AFDN: variants seen among roughly 807,000 people sequenced by gnomAD.
AFDN encodes the protein afadin, adherens junction formation factor, also known as afadin.
Under a neutral mutation model 216.6 loss-of-function variants are expected in AFDN, and 68 were observed. That is an observed-to-expected ratio of 0.31 (90% CI 0.26 to 0.38). The LOEUF (loss-of-function observed/expected upper bound fraction) is 0.38, where lower values mean the gene tolerates loss of function less well. AFDN is among the 10% of genes least tolerant of loss of function. The pLI is 1.00. For missense variants in AFDN, 2,136 were observed against 2,342.0 expected, an observed-to-expected ratio of 0.91 and a Z score of 1.82; for synonymous variants, 868 against 853.7, an observed-to-expected ratio of 1.02 and a Z score of -0.29.
intron 1 of AFDN, among the ~76,000 whole-genome samples, chr6:167,856,149 C>T (rs530005861): frequency 2.9e-4 from 44 of 152,266 alleles, no homozygotes; most frequent in Admixed American, 1.0e-3. Flanking sequence ...GACTGCTGCG[C>T]TGCCACAGAA....
rs1467401072 is a variant in AFDN at position 167,962,395 on chromosome 6, G to A, written c.4834-38G>A. 1 of 1,611,642 alleles carries A rather than the reference G, an allele frequency of 6.2e-7. No homozygotes were observed. The highest frequency in any genetic ancestry group is 1.7e-5 in the Admixed American group (1 of 59,980). ...GTGCATTTTATGTCTTGTGCTGGTGGAGTTTGTGGAGGGAGATTAATGTCA... is the reference window on the plus strand; with the variant it reads ...GTGCATTTTATGTCTTGTGCTGGTGAAGTTTGTGGAGGGAGATTAATGTCA... On this transcript the variant is annotated intron_variant, in intron 30 of 33. Coordinates refer to ENST00000683244, the MANE Select transcript of AFDN (RefSeq NM_001386888.1). The surrounding 1 kb of genome is among the most constrained non-coding windows in gnomAD (Gnocchi z 5.2).
chr6:167,842,408 A>T (rs1781172062), intron 1 of AFDN, among the ~76,000 whole-genome samples: 1 of 152,160 alleles, frequency 6.6e-6, no homozygotes, highest in African/African-American at 2.4e-5. Context: ...AAAATGCCCC[A>T]TAATTAACTA....
chr6:167,880,878 A>C (rs770988786), intron 6 of AFDN, among the ~76,000 whole-genome samples: 1 of 152,196 alleles, frequency 6.6e-6, no homozygotes, highest in Non-Finnish European at 1.5e-5. Context: ...TAGATTTATA[A>C]GTCTAAAATT....
intron 4 of AFDN, among the ~76,000 whole-genome samples, chr6:167,874,361 A>G (rs1231292327): frequency 6.6e-6 from 1 of 152,190 alleles, no homozygotes; most frequent in African/African-American, 2.4e-5. Flanking sequence ...ACTATTTTTA[A>G]TTAAATTATT....
intron 30 of AFDN, chr6:167,952,418 A>G: frequency 1.0e-6 from 1 of 985,436 alleles, no homozygotes; most frequent in Middle Eastern, 5.2e-4. Flanking sequence ...TACAATTCAA[A>G]TGGAACTTGA....
At chr6:167,896,563 A>T (rs528012538) in intron 9 of AFDN, among the ~76,000 whole-genome samples, 1 of 152,338 alleles carries the variant, frequency 6.6e-6, no homozygotes, top group African/African-American at 2.4e-5. Context: ...TTGCTACTAC[A>T]GTTGCTCCTC....
In AFDN at chr6:167,871,643, TAAG is replaced by T. The variant is rs1163106424; in HGVS notation, c.415-564_415-562del. Among the ~76,000 whole-genome samples, 7 of 152,314 alleles carry T rather than the reference TAAG, an allele frequency of 4.6e-5. No individual in the cohort carries two copies. In the East Asian group the frequency reaches 1.3e-3, roughly 29 times the overall value. ...CATTGTTCGAGGTTAAAATACAAATTAAGAAGAAGCAAGCAAATAAATCAGATC... is the reference window on the plus strand; with the variant it reads ...CATTGTTCGAGGTTAAAATACAAATTAAGAAGCAAGCAAATAAATCAGATC... On this transcript the variant is annotated intron_variant, in intron 3 of 33. Coordinates refer to ENST00000683244, the MANE Select transcript of AFDN (RefSeq NM_001386888.1).
Position 167,896,886 on chromosome 6 carries a change from G to T in AFDN, c.1231G>T (p.Asp411Tyr). Residue 411 changes from aspartate to tyrosine, a missense_variant, in exon 10 of 34, where the codon GAC (aspartate) becomes TAC (tyrosine). By Grantham distance (160) the Asp-to-Tyr change is radical (BLOSUM62 -3). Transcript: ENST00000683244. ...TCCTTCTCTTCTCACAGATGGTTCTGACTCTAGAGATAAGCCAAAGCTTTA... is the reference window on the plus strand; with the variant it reads ...TCCTTCTCTTCTCACAGATGGTTCTTACTCTAGAGATAAGCCAAAGCTTTA... Reference protein sequence around the residue: ...YNYHTYEDGSDSRDKPKLYRL... With the variant: ...YNYHTYEDGSYSRDKPKLYRL... The T allele has an allele frequency of 6.2e-7, 1 of 1,610,514 alleles. No individual in the cohort carries two copies. Among genetic ancestry groups the T allele is most frequent in the South Asian group, 1.1e-5 (1 of 90,894 alleles).
chr6:167,949,429 T>C (rs1196028777), intron 29 of AFDN, among the ~76,000 whole-genome samples: 5 of 152,138 alleles, frequency 3.3e-5, no homozygotes, highest in Admixed American at 2.6e-4. Context: ...GTGATACAGA[T>C]GAGGAGGAGC....
At chr6:167,836,516 A>T (rs1780453394) in intron 1 of AFDN, among the ~76,000 whole-genome samples, 1 of 152,214 alleles carries the variant, frequency 6.6e-6, no homozygotes, top group Non-Finnish European at 1.5e-5. Context: ...AATACTTCAA[A>T]ATAATATGTG....
intron 5 of AFDN, 139 bp downstream of exon 5, chr6:167,875,634 G>A: frequency 1.1e-6 from 1 of 884,540 alleles, no homozygotes; most frequent in Non-Finnish European, 1.7e-6. Context: ...ATATACTTCT[G>A]GTACAAAATC....
At chr6:167,937,238 C>G (rs2300797) in intron 23 of AFDN, among the ~76,000 whole-genome samples, 4 of 152,008 alleles carry the variant, frequency 2.6e-5, no homozygotes, top group Non-Finnish European at 2.9e-5. Flanking sequence ...TATCTAGATC[C>G]GTATTCTTTA....
At chr6:167,952,282 A>G (rs780634196) in intron 30 of AFDN, 95 bp downstream of exon 30, 1 of 1,587,098 alleles carries the variant, frequency 6.3e-7, no homozygotes, top group South Asian at 1.2e-5. Context: ...TGATCGTGAT[A>G]AGGATTAAAA....
chr6:167,948,526 C>T, intron 29 of AFDN, 48 bp downstream of exon 29: 1 of 1,534,836 alleles, frequency 6.5e-7, no homozygotes, highest in South Asian at 1.2e-5. Flanking sequence ...TCAAGGAGGA[C>T]ACACTGAGTT....
chr6:167,857,924 G>A (rs757570420), intron 1 of AFDN, among the ~76,000 whole-genome samples: 2 of 152,094 alleles, frequency 1.3e-5, no homozygotes, highest in Non-Finnish European at 2.9e-5. Context: ...ACATGTGTAC[G>A]AATATAGTAT....
At chr6:167,895,067 T>C (rs1788067128) in intron 9 of AFDN, among the ~76,000 whole-genome samples, 1 of 152,210 alleles carries the variant, frequency 6.6e-6, no homozygotes, top group Non-Finnish European at 1.5e-5. Flanking sequence ...ATCAAGTCTT[T>C]ATTGATTGCT....
rs776953446 is a variant in AFDN at position 167,969,116 on chromosome 6, C to CCAAACT, written c.5262_5267dup (p.Asn1755_Ser1756dup). 156 of 1,612,908 alleles carry CCAAACT rather than the reference C, an allele frequency of 9.7e-5. No individual in the cohort carries two copies. The highest frequency in any genetic ancestry group is 5.1e-6 in the Non-Finnish European group (6 of 1,179,096). ...GTACTGTTTCTTTCATGGAAAAGGACCAAACTCTTACCCAGGATCTACTGG... is the reference window on the plus strand; with the variant it reads ...GTACTGTTTCTTTCATGGAAAAGGACCAAACTCAAACTCTTACCCAGGATCTACTGG... On this transcript the variant is annotated inframe_insertion, in exon 33 of 34. Coordinates refer to ENST00000683244, the MANE Select transcript of AFDN (RefSeq NM_001386888.1).
intron 1 of AFDN, among the ~76,000 whole-genome samples, chr6:167,856,431 T>C (rs1230943511): frequency 6.6e-6 from 1 of 152,046 alleles, no homozygotes; most frequent in East Asian, 1.9e-4. Flanking sequence ...ACATTATGGT[T>C]GGAAGGCTTT....
chr6:167,971,555 G>T lies in AFDN; in HGVS notation c.*1620G>T, dbSNP rs1392365308. The T allele has an allele frequency of 5.1e-6, 1 of 194,848 alleles. No individual in the cohort carries two copies. The highest frequency in any genetic ancestry group is 1.1e-5 in the Non-Finnish European group (1 of 93,934). The allele number at this position is 194,848 out of a possible 1,614,324, so 12.1% of individuals were successfully genotyped here. On this transcript the variant is annotated 3_prime_UTR_variant, in exon 34 of 34. Transcript: ENST00000683244. ...TGCTTGCTTGCAGCAGAAGTTCTAG[G>T]AAAAGCAGGCACCTCCCAAATATCT...
Sources: gnomAD v4.1 joint callset for allele counts (sites outside exome capture counted in the v4.1 genomes callset) on GRCh38, gnomAD v4.1.1 for gene constraint, Gnocchi (gnomAD v3.1) non-coding constraint, MANE v1.5 for transcripts, NCBI Gene and HGNC (gene_info 2026-07-23, HGNC 2026-07-21) for gene names.